The following PDE8B variants were observed in gnomAD, a reference collection of about 807,000 sequenced individuals.
The protein encoded by PDE8B is high affinity cAMP-specific and IBMX-insensitive 3',5'-cyclic phosphodiesterase 8B.
A neutral mutation model predicts 101.3 loss-of-function variants in PDE8B; 26 were observed. The observed-to-expected ratio is 0.26, with a 90% CI of 0.19 to 0.36. The LOEUF is 0.36. Ranked by LOEUF, PDE8B falls within the 10% of genes least tolerant of loss-of-function variation. The probability of loss-of-function intolerance (pLI) is 1.00; values close to 1 mark genes in which losing one functional copy is unlikely to be tolerated. For missense variants in PDE8B, 810 were observed against 1,163.1 expected, an observed-to-expected ratio of 0.70 and a Z score of 4.42; for synonymous variants, 424 against 429.3, an observed-to-expected ratio of 0.99 and a Z score of 0.15.
At chr5:77,351,342 A>G (rs1781087918) in intron 9 of PDE8B, among the ~76,000 whole-genome samples, 189 bp downstream of exon 9, 1 of 152,180 alleles carries the variant, frequency 6.6e-6, no homozygotes, top group African/African-American at 2.4e-5. Context: ...CATGTCTTTT[A>G]TGAAGCATCA....
At chr5:77,180,097 C>A in the PDE8B span, among the ~76,000 whole-genome samples, 1 of 152,104 alleles carries the variant, frequency 6.6e-6, no homozygotes, top group Non-Finnish European at 1.5e-5. Context: ...GAATCCGAAT[C>A]CTGAGTCCCA....
upstream of PDE8B, chr5:77,210,468 G>C: frequency 4.0e-6 from 1 of 249,098 alleles, no homozygotes; most frequent in Non-Finnish European, 6.4e-6. The surrounding 1 kb of genome is among the most constrained non-coding windows in gnomAD (Gnocchi z 4.9). Context: ...GGGAGGGGAC[G>C]GGCGCAGACC....
chr5:77,410,037 G>A lies in PDE8B; in HGVS notation c.1530+980G>A, dbSNP rs193145980. Among the ~76,000 whole-genome samples, 235 of 152,352 alleles carry A rather than the reference G, an allele frequency of 1.5e-3. 3 individuals are homozygous for A. Among genetic ancestry groups the A allele is most frequent in the African/African-American group, 5.6e-3 (231 of 41,584 alleles). On this transcript the variant is annotated intron_variant, in intron 14 of 21. Coordinates refer to ENST00000264917, the MANE Select transcript of PDE8B (RefSeq NM_003719.5). ...CAGTGGGAGGGGTCTGGTTCTGGGA[G>A]CAAGCCATGTTCCCTCCCTCCCCTG...
At chr5:77,358,271 T>C (rs1202729126) in intron 10 of PDE8B, among the ~76,000 whole-genome samples, 3 of 152,248 alleles carry the variant, frequency 2.0e-5, no homozygotes, top group Non-Finnish European at 2.9e-5. Context: ...ACTTGGCTCT[T>C]TTACATGCTT....
intron 1 of PDE8B, among the ~76,000 whole-genome samples, chr5:77,273,800 T>C (rs546846652): frequency 6.6e-6 from 1 of 151,074 alleles, no homozygotes; most frequent in African/African-American, 2.4e-5. Context: ...TAGTTCCATC[T>C]GTTTTTTTTT....
At chr5:77,284,417 T>G (rs1765590498) in intron 1 of PDE8B, among the ~76,000 whole-genome samples, 1 of 152,200 alleles carries the variant, frequency 6.6e-6, no homozygotes, top group Non-Finnish European at 1.5e-5. Context: ...TTGTTTAGAT[T>G]TCCCCTATGC....
intron 6 of PDE8B, among the ~76,000 whole-genome samples, chr5:77,339,217 C>T (rs1252002319): frequency 6.6e-6 from 1 of 152,162 alleles, no homozygotes; most frequent in Non-Finnish European, 1.5e-5. Flanking sequence ...CCCTCACTTA[C>T]TAGAACTGGT....
the PDE8B span, among the ~76,000 whole-genome samples, chr5:77,183,381 G>A: frequency 6.6e-6 from 1 of 152,102 alleles, no homozygotes; most frequent in Non-Finnish European, 1.5e-5. Context: ...GCCTCCCAAA[G>A]TGCTGGGATT....
the PDE8B span, chr5:77,106,245 T>C: frequency 1.3e-5 from 2 of 152,366 alleles, no homozygotes; most frequent in South Asian, 4.1e-4. Context: ...TTGCCTACAC[T>C]AAAGTTGCCA....
At position 77,309,941 on chromosome 5, in the gene PDE8B, A is replaced by ACCTTTTTTTTTTTTTTTTTTTTTTTTTTT. The variant is rs772985826; in HGVS notation, c.340-2053_340-2052insCCTTTTTTTTTTTTTTTTTTTTTTTTTTT. 9.6e-5 allele frequency among the ~76,000 whole-genome samples: 8 copies of ACCTTTTTTTTTTTTTTTTTTTTTTTTTTT among 83,116 alleles called. 4 individuals carry two copies. The highest frequency in any genetic ancestry group is 1.3e-4 in the Non-Finnish European group (6 of 46,546). The allele number at this position is 83,116 out of a possible 152,430, so 54.5% of individuals were successfully genotyped here. On this transcript the variant is annotated intron_variant, in intron 1 of 21. Coordinates refer to ENST00000264917, the MANE Select transcript of PDE8B (RefSeq NM_003719.5). ...AACTGGTTTCCCTTTTTAATCATTA[A>ACCTTTTTTTTTTTTTTTTTTTTTTTTTTT]TCTTTTTTTTTTTTTTTTTTTTTTT...
intron 6 of PDE8B, among the ~76,000 whole-genome samples, chr5:77,341,279 A>C (rs1407837873): frequency 6.6e-6 from 1 of 152,154 alleles, no homozygotes; most frequent in Non-Finnish European, 1.5e-5. Context: ...GGGGTGGGAA[A>C]TAGTGTGTTC....
At chr5:77,175,956 C>T in the PDE8B span, among the ~76,000 whole-genome samples, 2 of 152,148 alleles carry the variant, frequency 1.3e-5, no homozygotes, top group African/African-American at 4.8e-5. Context: ...TTCAAGGGAA[C>T]CTAAATGGTG....
intron 1 of PDE8B, among the ~76,000 whole-genome samples, chr5:77,305,478 A>C (rs1770990063): frequency 6.6e-6 from 1 of 152,130 alleles, no homozygotes; most frequent in Non-Finnish European, 1.5e-5. Context: ...AGGGGACAGA[A>C]GGAAGAGAGT....
chr5:77,272,978 G>T (rs1214128683), intron 1 of PDE8B, among the ~76,000 whole-genome samples: 1 of 152,160 alleles, frequency 6.6e-6, no homozygotes. Flanking sequence ...GGGCCTAATT[G>T]CTACGACGTC....
At chr5:77,270,298 G>T (rs956721871) in intron 1 of PDE8B, among the ~76,000 whole-genome samples, 1 of 152,060 alleles carries the variant, frequency 6.6e-6, no homozygotes, top group African/African-American at 2.4e-5. Flanking sequence ...ATTTTTGTAC[G>T]TTGATTTTGT....
rs80174584 is a variant in PDE8B at position 77,234,629 on chromosome 5, A to G, written c.339+23365A>G. ...ACTTGTCTAGTCTACCAGAGACTCC[A>G]GTCTGGCCTTCCCTACATAGTACCT... is the stretch of plus-strand genomic sequence containing the variant. On this transcript the variant is annotated intron_variant, in intron 1 of 21. Coordinates refer to ENST00000264917, the MANE Select transcript of PDE8B (RefSeq NM_003719.5). 1.2e-3 allele frequency among the ~76,000 whole-genome samples: 180 copies of G among 152,282 alleles called. 1 individual carries two copies. Among genetic ancestry groups the G allele is most frequent in the African/African-American group, 3.9e-3 (163 of 41,562 alleles).
At chr5:77,349,365 C>A (rs1325453276) in intron 7 of PDE8B, 54 bp from the exon 8 acceptor site, 23 of 1,608,380 alleles carry the variant, frequency 1.4e-5, no homozygotes, top group Non-Finnish European at 1.9e-5. Flanking sequence ...ACAGACATTT[C>A]ATGAATTCTG....
chr5:77,400,105 T>C, intron 10 of PDE8B, 143 bp from the exon 11 acceptor site: 1 of 670,968 alleles, frequency 1.5e-6, no homozygotes, highest in Non-Finnish European at 2.7e-6. Flanking sequence ...GGTGTATGTC[T>C]TTCATCTGTT....
chr5:77,146,638 GGA>G, the PDE8B span: 1 of 282,074 alleles, frequency 3.5e-6, no homozygotes, highest in African/African-American at 2.3e-5. Context: ...AAACTTGTCA[GGA>G]GGCGCATAAG....
Sources: gnomAD v4.1 joint callset for allele counts (sites outside exome capture counted in the v4.1 genomes callset) on GRCh38, gnomAD v4.1.1 for gene constraint, Gnocchi (gnomAD v3.1) non-coding constraint, MANE v1.5 for transcripts, NCBI Gene and HGNC (gene_info 2026-07-23, HGNC 2026-07-21) for gene names.